SPAG17: variants seen among roughly 807,000 people sequenced by gnomAD.
The protein encoded by SPAG17 is sperm-associated antigen 17.
SPAG17 carries 169 observed loss-of-function variants against 273.6 expected under a neutral mutation model. That is an observed-to-expected ratio of 0.62 (90% CI 0.55 to 0.70). SPAG17 has a LOEUF of 0.70. Ranked by LOEUF, SPAG17 falls within the 30% of genes least tolerant of loss-of-function variation. The probability of loss-of-function intolerance (pLI) is 0.00; values close to 1 mark genes in which losing one functional copy is unlikely to be tolerated. For synonymous variants in SPAG17, 825 were observed against 873.2 expected, an observed-to-expected ratio of 0.94 and a Z score of 0.97; for missense variants, 2,557 against 2,627.8, an observed-to-expected ratio of 0.97 and a Z score of 0.59.
intron 34 of SPAG17, 31 bp downstream of exon 34, chr1:117,996,339 C>T (rs1368697057): frequency 6.3e-7 from 1 of 1,578,258 alleles, no homozygotes; most frequent in African/African-American, 1.4e-5. Flanking sequence ...CAAAGAGACA[C>T]CGTGCATTCC....
intron 6 of SPAG17, 94 bp downstream of exon 6, chr1:118,099,512 G>T (rs1475064074): frequency 5.2e-6 from 6 of 1,146,542 alleles, no homozygotes; most frequent in Non-Finnish European, 6.5e-6. Context: ...TGTACTAATT[G>T]TAAGACTATG....
At chr1:118,120,680 T>C (rs1027105626) in intron 3 of SPAG17, among the ~76,000 whole-genome samples, 3 of 152,326 alleles carry the variant, frequency 2.0e-5, no homozygotes, top group Non-Finnish European at 2.9e-5. Flanking sequence ...TGGATTTAGA[T>C]AAACAGGGCT....
At chr1:118,053,211 A>T (rs1312878959) in intron 20 of SPAG17, among the ~76,000 whole-genome samples, 1 of 152,096 alleles carries the variant, frequency 6.6e-6, no homozygotes, top group Non-Finnish European at 1.5e-5. Flanking sequence ...TTTGGCAGCA[A>T]TTAACAATAA....
chr1:118,089,000 G>A (rs1261193457), intron 10 of SPAG17, among the ~76,000 whole-genome samples: 7 of 152,160 alleles, frequency 4.6e-5, no homozygotes, highest in Admixed American at 3.3e-4. Flanking sequence ...ATACAGCAAC[G>A]AACAAGACTA....
intron 42 of SPAG17, among the ~76,000 whole-genome samples, chr1:117,982,436 T>C (rs891319963): frequency 5.1e-4 from 77 of 152,114 alleles, no homozygotes; most frequent in African/African-American, 1.7e-3. Context: ...AGAGACGGGG[T>C]TTCACCGTGT....
intron 3 of SPAG17, among the ~76,000 whole-genome samples, chr1:118,128,103 A>G (rs1333027574): frequency 6.6e-6 from 1 of 151,938 alleles, no homozygotes; most frequent in Admixed American, 6.6e-5. Flanking sequence ...GCCTGGCGAC[A>G]CAGCAAGATT....
At chr1:118,085,107 A>G (rs1052300156) in intron 13 of SPAG17, among the ~76,000 whole-genome samples, 3 of 152,190 alleles carry the variant, frequency 2.0e-5, no homozygotes, top group Non-Finnish European at 4.4e-5. Flanking sequence ...TCCTGTCCTC[A>G]TGTGCAGAGA....
chr1:117,974,308 A>G (rs1468617337), intron 43 of SPAG17, among the ~76,000 whole-genome samples: 1 of 152,202 alleles, frequency 6.6e-6, no homozygotes, highest in Non-Finnish European at 1.5e-5. Flanking sequence ...TTTTACATAC[A>G]TGACCTAATA....
intron 10 of SPAG17, among the ~76,000 whole-genome samples, chr1:118,089,383 T>C (rs998383836): frequency 9.0e-6 from 1 of 111,418 alleles, no homozygotes; most frequent in Non-Finnish European, 1.9e-5. Context: ...AGATGACAGG[T>C]ACATCTCAGA....
chr1:118,092,129 A>G (rs2102192112), intron 8 of SPAG17, 127 bp from the exon 9 acceptor site: 1 of 760,186 alleles, frequency 1.3e-6, no homozygotes, highest in Middle Eastern at 2.5e-4. Context: ...CCACAAAATC[A>G]TCTGCTAATA....
chr1:117,955,775 AT>A (rs1454088597), intron 48 of SPAG17, among the ~76,000 whole-genome samples: 4 of 151,798 alleles, frequency 2.6e-5, no homozygotes, highest in Admixed American at 2.0e-4. Context: ...AAAAAAAAAA[AT>A]CATTGGATTC....
chr1:117,987,586 T>A (rs10923460), intron 40 of SPAG17, among the ~76,000 whole-genome samples: 10,274 of 152,258 alleles, frequency 0.067, 552 homozygotes, highest in East Asian at 0.31. Context: ...CAGAATCACC[T>A]AAAGCACATT....
At chr1:118,098,435 C>G (rs1161850099) in intron 6 of SPAG17, among the ~76,000 whole-genome samples, 1 of 151,960 alleles carries the variant, frequency 6.6e-6, no homozygotes, top group Non-Finnish European at 1.5e-5. Flanking sequence ...CTTATTACAT[C>G]TATAATTAAA....
chr1:118,101,365 A>C (rs1656054579), intron 5 of SPAG17, among the ~76,000 whole-genome samples: 1 of 152,190 alleles, frequency 6.6e-6, no homozygotes, highest in African/African-American at 2.4e-5. Flanking sequence ...GCTGTAGTAT[A>C]AGCCATGATT....
At chr1:118,148,414 C>A (rs12057189) in intron 3 of SPAG17, among the ~76,000 whole-genome samples, 2 of 152,088 alleles carry the variant, frequency 1.3e-5, no homozygotes, top group Non-Finnish European at 2.9e-5. Context: ...AAGGTGCTAG[C>A]TCAGGTGGCC....
chr1:118,159,913 T>C, intron 1 of SPAG17, among the ~76,000 whole-genome samples: 1 of 152,162 alleles, frequency 6.6e-6, no homozygotes. Flanking sequence ...TACGGCTCCA[T>C]TATGTTAGTA....
At chr1:118,017,822 T>C (rs1660123674) in intron 28 of SPAG17, among the ~76,000 whole-genome samples, 1 of 152,134 alleles carries the variant, frequency 6.6e-6, no homozygotes, top group South Asian at 2.1e-4. Flanking sequence ...ATCTTAATCA[T>C]CTATTTTCTT....
chr1:118,099,601 C>G lies in SPAG17; in HGVS notation c.829+5G>C. The G allele has an allele frequency of 1.2e-6, 2 of 1,613,640 alleles. No individual in the cohort carries two copies. Among genetic ancestry groups the G allele is most frequent in the Non-Finnish European group, 1.7e-6 (2 of 1,179,568 alleles). On this transcript the variant is annotated splice_donor_5th_base_variant and intron_variant, in intron 6 of 48. Coordinates refer to ENST00000336338, the MANE Select transcript of SPAG17 (RefSeq NM_206996.4). ...ACTCAGTAAGTTGTGTAGCAGACTG[C>G]ATACCTTCTGACTGAAGAAGAACTT...
chr1:117,963,954 AG>A lies in SPAG17; in HGVS notation c.6533-17del. ...GTTAAAACAGGTAAAATACTTGTTA[AG>A]GGCTGTGCTTTTCATGACTAAATTA... On this transcript the variant is annotated splice_polypyrimidine_tract_variant and intron_variant, in intron 47 of 48. Transcript: ENST00000336338. The A allele has an allele frequency of 1.2e-6, 2 of 1,603,158 alleles. No individual in the cohort carries two copies. Among genetic ancestry groups the A allele is most frequent in the Non-Finnish European group, 1.7e-6 (2 of 1,174,618 alleles).
Sources: gnomAD v4.1 joint callset for allele counts (sites outside exome capture counted in the v4.1 genomes callset) on GRCh38, gnomAD v4.1.1 for gene constraint, MANE v1.5 for transcripts, NCBI Gene and HGNC (gene_info 2026-07-23, HGNC 2026-07-21) for gene names.